TSHZ2: variants seen among roughly 807,000 people sequenced by gnomAD.
TSHZ2 encodes teashirt zinc finger homeobox 2.
In TSHZ2, 21 loss-of-function variants were observed where a neutral mutation model predicts 74.4. The observed-to-expected ratio is 0.28, with a 90% CI of 0.20 to 0.41. TSHZ2 has a LOEUF of 0.41. Ranked by LOEUF, TSHZ2 falls within the 10% of genes least tolerant of loss-of-function variation. The pLI, the probability that TSHZ2 is intolerant of heterozygous loss-of-function variation, is 1.00. For synonymous variants in TSHZ2, 540 were observed against 515.3 expected, an observed-to-expected ratio of 1.05 and a Z score of -0.65; for missense variants, 1,244 against 1,293.5, an observed-to-expected ratio of 0.96 and a Z score of 0.59.
intron 1 of TSHZ2, among the ~76,000 whole-genome samples, chr20:53,123,814 T>C (rs1986876986): frequency 6.6e-6 from 1 of 152,126 alleles, no homozygotes; most frequent in Non-Finnish European, 1.5e-5. Flanking sequence ...AGCCTGAAAG[T>C]AAGGTGGCTG....
At chr20:53,096,198 G>C (rs1338956484) in intron 1 of TSHZ2, among the ~76,000 whole-genome samples, 1 of 152,202 alleles carries the variant, frequency 6.6e-6, no homozygotes, top group Non-Finnish European at 1.5e-5. Flanking sequence ...CTGGAGTGCA[G>C]TGCTGCAATC....
At chr20:53,471,981 T>G (rs993851081) in intron 2 of TSHZ2, among the ~76,000 whole-genome samples, 1 of 151,906 alleles carries the variant, frequency 6.6e-6, no homozygotes, top group Non-Finnish European at 1.5e-5. Context: ...AATTTTGTAT[T>G]TTTAGTAGAG....
intron 2 of TSHZ2, among the ~76,000 whole-genome samples, chr20:53,470,018 G>A (rs1192752587): frequency 1.3e-5 from 2 of 152,150 alleles, no homozygotes; most frequent in African/African-American, 2.4e-5. Context: ...AGGTTTGATA[G>A]AAGAAGAAAA....
At chr20:53,159,710 C>A (rs909459247) in intron 1 of TSHZ2, among the ~76,000 whole-genome samples, 3 of 149,270 alleles carry the variant, frequency 2.0e-5, no homozygotes, top group African/African-American at 4.9e-5. Flanking sequence ...TTCTATTGTT[C>A]AAAATAGGAA....
intron 1 of TSHZ2, among the ~76,000 whole-genome samples, chr20:52,997,261 G>GC (rs921254113): frequency 7.4e-5 from 10 of 135,054 alleles, no homozygotes; most frequent in South Asian, 4.4e-4. Flanking sequence ...TCTTGCCCCG[G>GC]GGGGGGGTTC....
At chr20:53,461,905 A>G (rs1178997480) in intron 2 of TSHZ2, among the ~76,000 whole-genome samples, 2 of 151,786 alleles carry the variant, frequency 1.3e-5, no homozygotes, top group Non-Finnish European at 2.9e-5. Flanking sequence ...TTTCCCAAAC[A>G]CATTGGTAAA....
chr20:53,078,848 T>C (rs981031725), intron 1 of TSHZ2, among the ~76,000 whole-genome samples: 3 of 152,132 alleles, frequency 2.0e-5, no homozygotes, highest in Admixed American at 2.0e-4. Context: ...AAATCGTAAT[T>C]CCATTTGGGA....
intron 2 of TSHZ2, among the ~76,000 whole-genome samples, chr20:53,300,709 A>G (rs6022378): frequency 0.63 from 96,373 of 152,020 alleles, 30,919 homozygotes; most frequent in African/African-American, 0.7. Context: ...ATCAGTCAAC[A>G]TCACTAAGTG....
chr20:53,234,042 T>G (rs1989886140), intron 1 of TSHZ2, among the ~76,000 whole-genome samples: 1 of 152,200 alleles, frequency 6.6e-6, no homozygotes. Flanking sequence ...ATGGGCCCAG[T>G]AAGTATTTTT....
At chr20:53,304,399 T>C (rs1468152731) in intron 2 of TSHZ2, among the ~76,000 whole-genome samples, 2 of 151,926 alleles carry the variant, frequency 1.3e-5, no homozygotes, top group African/African-American at 2.4e-5. Flanking sequence ...TATCGTACTG[T>C]GGGGTAATTC....
intron 2 of TSHZ2, among the ~76,000 whole-genome samples, chr20:53,463,853 TC>T (rs1431455122): frequency 1.3e-5 from 2 of 152,208 alleles, no homozygotes; most frequent in African/African-American, 4.8e-5. Flanking sequence ...GCTTAACATC[TC>T]TGAGCCTTGA....
intron 1 of TSHZ2, among the ~76,000 whole-genome samples, chr20:53,066,889 T>C (rs1985007982): frequency 6.6e-6 from 1 of 152,166 alleles, no homozygotes; most frequent in Non-Finnish European, 1.5e-5. Context: ...CTATGATGCC[T>C]CTTCTGAGGC....
chr20:53,321,400 T>TACCA (rs1368596417), intron 2 of TSHZ2, among the ~76,000 whole-genome samples: 1 of 152,036 alleles, frequency 6.6e-6, no homozygotes, highest in East Asian at 1.9e-4. Flanking sequence ...TTATAGAAAT[T>TACCA]CCTTGTCAGG....
chr20:53,055,334 A>C (rs780037091), intron 1 of TSHZ2, among the ~76,000 whole-genome samples: 13 of 152,206 alleles, frequency 8.5e-5, no homozygotes, highest in Non-Finnish European at 1.6e-4. Context: ...GTCCACATCC[A>C]GGTTCAGAGT....
chr20:53,286,641 T>G (rs1991172298), intron 2 of TSHZ2, among the ~76,000 whole-genome samples: 1 of 152,052 alleles, frequency 6.6e-6, no homozygotes, highest in Non-Finnish European at 1.5e-5. Flanking sequence ...TCCCAGCACT[T>G]TGGGTGACTA....
intron 1 of TSHZ2, among the ~76,000 whole-genome samples, chr20:52,976,261 C>T (rs1981335889): frequency 6.6e-6 from 1 of 152,178 alleles, no homozygotes; most frequent in South Asian, 2.1e-4. Flanking sequence ...GGGGACAATT[C>T]TCTTTAAGGA....
rs116370493 is a variant in TSHZ2, at chr20:53,100,971, G to A, written c.40+127638G>A. On this transcript the variant is annotated intron_variant, in intron 1 of 2. Coordinates refer to ENST00000371497, the MANE Select transcript of TSHZ2 (RefSeq NM_173485.6). ...GTCCAATCTTAATAGTGGGGCAGGT[G>A]GGGGAGAGATGCAAAGCAGGGGTAG... Among the ~76,000 whole-genome samples the A allele has an allele frequency of 5.4e-3, 818 of 152,258 alleles. 6 individuals are homozygous for A. The highest frequency in any genetic ancestry group is 0.019 in the African/African-American group (779 of 41,542).
Position 53,312,498 on chromosome 20 carries a change from G to C in TSHZ2, c.*8+55927G>C, listed in dbSNP as rs989813301. 2.6e-5 allele frequency among the ~76,000 whole-genome samples: 4 copies of C among 152,290 alleles called. No homozygotes were observed. In the Middle Eastern group the frequency reaches 0.01, roughly 388 times the overall value. On this transcript the variant is annotated intron_variant, in intron 2 of 2. Transcript: ENST00000371497. ...GGTGTCAAAAATTCAAAAGCGACAG[G>C]AGCCAGGCAGGTAATGTATATGAGA...
chr20:53,128,423 G>T (rs1431779603), intron 1 of TSHZ2, among the ~76,000 whole-genome samples: 1 of 151,016 alleles, frequency 6.6e-6, no homozygotes, highest in Non-Finnish European at 1.5e-5. Flanking sequence ...TTTGGTGTTT[G>T]TTGTTGTTGT....
Sources: allele counts gnomAD v4.1 joint callset (sites outside exome capture counted in the v4.1 genomes callset), GRCh38; gene constraint gnomAD v4.1.1; transcripts MANE v1.5; gene names NCBI Gene and HGNC (gene_info 2026-07-23, HGNC 2026-07-21).